Variants in SLC8A1 observed in about 807,000 individuals in gnomAD.
SLC8A1 encodes solute carrier family 8 member A1.
Under a neutral mutation model 68.3 loss-of-function variants are expected in SLC8A1, and 18 were observed. The observed-to-expected ratio is 0.26, with a 90% confidence interval of 0.18 to 0.39. SLC8A1 has a LOEUF of 0.39. Among genes scored for constraint, SLC8A1 ranks in the 10% least tolerant of loss-of-function variants. The pLI is 1.00. For missense variants in SLC8A1, 985 were observed against 1,156.7 expected (o/e 0.85, Z 2.15); for synonymous variants, 475 against 415.5 (o/e 1.14, Z -1.74).
intron 2 of SLC8A1, among the ~76,000 whole-genome samples, chr2:40,350,242 G>C (rs976932455): frequency 6.6e-6 from 1 of 152,082 alleles, no homozygotes; most frequent in Non-Finnish European, 1.5e-5. Context: ...AGCACTTTGG[G>C]AGGTTGAGTG....
exon 2 of SLC8A1, chr2:40,429,741 G>T (rs753663177): frequency 6.2e-7 from 1 of 1,613,674 alleles, no homozygotes; most frequent in Non-Finnish European, 8.5e-7. Context: ...CAATAATGAT[G>T]AACATATTGA....
intron 7 of SLC8A1, among the ~76,000 whole-genome samples, chr2:40,124,882 T>A (rs530401312): frequency 2.0e-5 from 3 of 152,352 alleles, no homozygotes; most frequent in Admixed American, 2.0e-4. Context: ...ATGCCTACTA[T>A]TAGTCCATAA....
rs528497423 is a variant in SLC8A1 at position 40,182,211 on chromosome 2, G to GACACAGTC, written c.1809-4364_1809-4357dup. 4.5e-4 allele frequency among the ~76,000 whole-genome samples: 68 copies of GACACAGTC among 152,328 alleles called. 1 individual carries two copies. Among genetic ancestry groups the GACACAGTC allele is most frequent in the Admixed American group, 4.1e-3 (62 of 15,302 alleles). On this transcript the variant is annotated intron_variant, in intron 2 of 7. Transcript: ENST00000406785. ...AAATCAAGACTGGAACTGTTGGGTA[G>GACACAGTC]ACACAGTCCTTCATCCAAATATAAT...
At chr2:40,355,418 C>T (rs754185148) in intron 2 of SLC8A1, among the ~76,000 whole-genome samples, 19 of 152,110 alleles carry the variant, frequency 1.2e-4, no homozygotes, top group African/African-American at 2.9e-4. Context: ...ACAGGTCTTC[C>T]TGTTAGCTCA....
At chr2:40,429,226 T>C in exon 2 of SLC8A1, 1 of 1,613,904 alleles carries the variant, frequency 6.2e-7, no homozygotes, top group Non-Finnish European at 8.5e-7. Flanking sequence ...ACTTAGGACT[T>C]GGTAGTTAGC....
chr2:40,164,904 C>T (rs267599374), exon 5 of SLC8A1: 1 of 1,613,946 alleles, frequency 6.2e-7, no homozygotes, highest in Non-Finnish European at 8.5e-7. Context: ...GTGTGCTCTC[C>T]CAGGATGGGG....
At chr2:40,124,708 A>T (rs960020818) in intron 7 of SLC8A1, among the ~76,000 whole-genome samples, 5 of 152,196 alleles carry the variant, frequency 3.3e-5, no homozygotes, top group African/African-American at 1.2e-4. Context: ...TATATCAGGG[A>T]TTGGAGCAGA....
At chr2:40,392,433 G>C (rs1203515869) in intron 2 of SLC8A1, among the ~76,000 whole-genome samples, 4 of 152,134 alleles carry the variant, frequency 2.6e-5, no homozygotes, top group Admixed American at 2.6e-4. Context: ...GAAATATCTT[G>C]GGAAGTTTAG....
At chr2:40,255,829 A>G (rs977219447) in intron 2 of SLC8A1, among the ~76,000 whole-genome samples, 5 of 152,204 alleles carry the variant, frequency 3.3e-5, no homozygotes, top group Admixed American at 3.3e-4. Flanking sequence ...TGTCACATCA[A>G]TTAGTCAAGA....
At chr2:40,507,148 C>A (rs1285007473) in intron 1 of SLC8A1, among the ~76,000 whole-genome samples, 1 of 151,860 alleles carries the variant, frequency 6.6e-6, no homozygotes, top group South Asian at 2.1e-4. Flanking sequence ...TGAAATTTAG[C>A]ACGTATGGGT....
At chr2:40,402,143 C>G (rs937983980) in intron 2 of SLC8A1, among the ~76,000 whole-genome samples, 2 of 152,108 alleles carry the variant, frequency 1.3e-5, no homozygotes, top group East Asian at 1.9e-4. Context: ...GGTCAAAACC[C>G]ACCAAAACCA....
chr2:40,130,920 A>G (rs187521938), intron 7 of SLC8A1, among the ~76,000 whole-genome samples: 2 of 152,356 alleles, frequency 1.3e-5, no homozygotes, highest in East Asian at 3.9e-4. Context: ...ATAGGGAAAA[A>G]TGAAGATAGG....
At chr2:40,178,393 T>C in intron 2 of SLC8A1, 1 of 1,613,652 alleles carries the variant, frequency 6.2e-7, no homozygotes, top group Non-Finnish European at 8.5e-7. Flanking sequence ...CCACCTTTCT[T>C]CTCACTCATC....
At chr2:40,160,444 T>G (rs1345840475) in intron 6 of SLC8A1, among the ~76,000 whole-genome samples, 3 of 152,180 alleles carry the variant, frequency 2.0e-5, no homozygotes, top group Non-Finnish European at 4.4e-5. Context: ...ACCTTTGTGC[T>G]GCTTACAGGG....
At chr2:40,464,348 G>T (rs1703533892) in intron 1 of SLC8A1, among the ~76,000 whole-genome samples, 1 of 152,188 alleles carries the variant, frequency 6.6e-6, no homozygotes, top group Non-Finnish European at 1.5e-5. Context: ...AACTTTAAAA[G>T]ATTCCTTCAT....
chr2:40,237,150 C>G (rs951818060), intron 2 of SLC8A1, among the ~76,000 whole-genome samples: 2 of 152,016 alleles, frequency 1.3e-5, no homozygotes, highest in African/African-American at 4.8e-5. Context: ...GAACGTTGGC[C>G]TGCCTTGCTA....
At chr2:40,363,609 A>T (rs2192779) in intron 2 of SLC8A1, among the ~76,000 whole-genome samples, 1 of 151,942 alleles carries the variant, frequency 6.6e-6, no homozygotes, top group Non-Finnish European at 1.5e-5. Flanking sequence ...TCAGTTGTTC[A>T]GTAGTTATTT....
At chr2:40,179,323 T>C (rs2049029460) in intron 2 of SLC8A1, among the ~76,000 whole-genome samples, 1 of 152,246 alleles carries the variant, frequency 6.6e-6, no homozygotes, top group South Asian at 2.1e-4. Context: ...TACACCAAGG[T>C]GTTTTGATTA....
chr2:40,235,468 C>A (rs1348832765), intron 2 of SLC8A1, among the ~76,000 whole-genome samples: 2 of 152,032 alleles, frequency 1.3e-5, no homozygotes, highest in South Asian at 4.2e-4. Context: ...TTTTTTATTG[C>A]GTCTATTTGA....
Sources: allele counts gnomAD v4.1 joint callset (sites outside exome capture counted in the v4.1 genomes callset), GRCh38; gene constraint gnomAD v4.1.1; transcripts MANE v1.5; gene names NCBI Gene and HGNC (gene_info 2026-07-23, HGNC 2026-07-21).